The following NDUFAF2 variants were observed in gnomAD, a reference collection of about 807,000 sequenced individuals.
The protein encoded by NDUFAF2 is NADH:ubiquinone oxidoreductase complex assembly factor 2.
In NDUFAF2, 13 loss-of-function variants were observed where a neutral mutation model predicts 22.8. That is an observed-to-expected ratio of 0.57 (90% CI 0.37 to 0.91). The LOEUF (loss-of-function observed/expected upper bound fraction) is 0.91. Ranked by LOEUF, NDUFAF2 falls within the 40% of genes least tolerant of loss-of-function variation. The probability of loss-of-function intolerance (pLI) is 0.01; values close to 1 mark genes in which losing one functional copy is unlikely to be tolerated. For synonymous variants in NDUFAF2, 53 were observed against 64.2 expected (o/e 0.83, Z 0.84); for missense variants, 162 against 195.2 (o/e 0.83, Z 1.01).
intron 1 of NDUFAF2, among the ~76,000 whole-genome samples, chr5:60,985,004 G>A (rs969803550): frequency 6.6e-6 from 1 of 152,158 alleles, no homozygotes; most frequent in Non-Finnish European, 1.5e-5. Context: ...GTAGAATTCG[G>A]CTGTGAATTC....
chr5:60,946,492 CT>C (rs1053528866), intron 1 of NDUFAF2, among the ~76,000 whole-genome samples: 1 of 152,144 alleles, frequency 6.6e-6, no homozygotes, highest in African/African-American at 2.4e-5. Flanking sequence ...ATGAGCTCCT[CT>C]GTCAGGCAGG....
At chr5:61,086,631 G>C (rs1752508218) in intron 2 of NDUFAF2, among the ~76,000 whole-genome samples, 1 of 151,882 alleles carries the variant, frequency 6.6e-6, no homozygotes, top group African/African-American at 2.4e-5. Flanking sequence ...AATTTAACTT[G>C]GGATTTATCA....
intron 1 of NDUFAF2, among the ~76,000 whole-genome samples, chr5:61,007,756 G>T (rs1171531873): frequency 6.6e-6 from 1 of 152,138 alleles, no homozygotes; most frequent in Non-Finnish European, 1.5e-5. Context: ...ATTCCTCAAG[G>T]ATCTAGAACT....
intron 1 of NDUFAF2, among the ~76,000 whole-genome samples, chr5:61,008,337 C>A (rs938886587): frequency 3.3e-5 from 5 of 151,896 alleles, no homozygotes; most frequent in Admixed American, 1.3e-4. Flanking sequence ...TCTCTCAAAC[C>A]TTGATAATTG....
At chr5:61,089,712 A>C (rs1328265061) in intron 2 of NDUFAF2, among the ~76,000 whole-genome samples, 1 of 152,080 alleles carries the variant, frequency 6.6e-6, no homozygotes, top group Non-Finnish European at 1.5e-5. Context: ...ATGAAGCTAA[A>C]AGAAGTCCCC....
rs868405083 is a variant in NDUFAF2, at chr5:61,125,316, T to C, written c.258+26284T>C. Among the ~76,000 whole-genome samples, 17 of 152,222 alleles carry C rather than the reference T, an allele frequency of 1.1e-4. No individual in the cohort carries two copies. In the Middle Eastern group the frequency reaches 0.01, roughly 91 times the overall value. The stretch of plus-strand genomic sequence containing the variant: ...CCATCACTGAATATTGTCAGCTCTT[T>C]TCTTATGCACTGTATTTTTTTTTAT... On this transcript the variant is annotated intron_variant, in intron 3 of 3. Coordinates refer to ENST00000296597, the MANE Select transcript of NDUFAF2 (RefSeq NM_174889.5).
intron 1 of NDUFAF2, among the ~76,000 whole-genome samples, chr5:60,996,111 C>CTT (rs1177710372): frequency 6.6e-6 from 1 of 152,070 alleles, no homozygotes; most frequent in South Asian, 2.1e-4. Flanking sequence ...ACTGGGGACT[C>CTT]TAAGAACCTG....
intron 1 of NDUFAF2, chr5:61,050,355 T>C (rs1752010544): frequency 6.6e-6 from 1 of 152,130 alleles, no homozygotes; most frequent in South Asian, 2.1e-4. Flanking sequence ...GAAATGATGA[T>C]GAAATGTACA....
chr5:61,034,903 CAA>C (rs1751776548), intron 1 of NDUFAF2, among the ~76,000 whole-genome samples: 1 of 96,436 alleles, frequency 1.0e-5, no homozygotes, highest in African/African-American at 3.9e-5. Context: ...TTTAGGTAGG[CAA>C]ATATATATGT....
chr5:61,151,311 G>T (rs1179770336), intron 3 of NDUFAF2, among the ~76,000 whole-genome samples: 2 of 150,652 alleles, frequency 1.3e-5, no homozygotes, highest in African/African-American at 4.9e-5. Context: ...TGAAAGTTTT[G>T]AAATTTTAAA....
At chr5:61,076,699 G>A (rs1004167100) in intron 2 of NDUFAF2, among the ~76,000 whole-genome samples, 8 of 152,190 alleles carry the variant, frequency 5.3e-5, no homozygotes, top group African/African-American at 1.9e-4. Context: ...GTAGTCATAT[G>A]TTCTGAGGTA....
At chr5:61,097,108 A>T (rs577342180) in intron 2 of NDUFAF2, among the ~76,000 whole-genome samples, 1 of 152,308 alleles carries the variant, frequency 6.6e-6, no homozygotes, top group African/African-American at 2.4e-5. Flanking sequence ...GGGGGAAATG[A>T]CTGATCCCAA....
At chr5:60,957,932 G>C (rs1205189330) in intron 1 of NDUFAF2, among the ~76,000 whole-genome samples, 1 of 152,144 alleles carries the variant, frequency 6.6e-6, no homozygotes, top group Non-Finnish European at 1.5e-5. Context: ...TGATAACCAG[G>C]ACTCCCTGTA....
chr5:60,999,088 C>T (rs552403617), intron 1 of NDUFAF2, among the ~76,000 whole-genome samples: 1 of 151,862 alleles, frequency 6.6e-6, no homozygotes, highest in Non-Finnish European at 1.5e-5. Flanking sequence ...GACACATTAC[C>T]CCAGATGCAT....
intron 3 of NDUFAF2, among the ~76,000 whole-genome samples, chr5:61,146,689 CTTGGGGTTGT>C: frequency 6.6e-6 from 1 of 152,172 alleles, no homozygotes; most frequent in Admixed American, 6.5e-5. Flanking sequence ...GATTATCCTG[CTTGGGGTTGT>C]TGAGCTTCTT....
In NDUFAF2 at chr5:61,074,856, C is replaced by A. The variant is rs544011027; in HGVS notation, c.217+1642C>A. 3.9e-5 allele frequency among the ~76,000 whole-genome samples: 6 copies of A among 152,208 alleles called. No individual in the cohort carries two copies. The South Asian group carries it at 1.2e-3, about 32-fold the overall frequency. On this transcript the variant is annotated intron_variant, in intron 2 of 3. Coordinates refer to ENST00000296597, the MANE Select transcript of NDUFAF2 (RefSeq NM_174889.5). ...CACAGCTCCGCATAGCTGGGGAGGC[C>A]TCAGGAAATTTACAATCATGGCAGA... is the stretch of plus-strand genomic sequence containing the variant.
chr5:61,030,164 G>T (rs1438883891), intron 1 of NDUFAF2, among the ~76,000 whole-genome samples: 1 of 151,970 alleles, frequency 6.6e-6, no homozygotes, highest in Non-Finnish European at 1.5e-5. Flanking sequence ...TGAGTGTGAG[G>T]GTCTTTAGAA....
intron 1 of NDUFAF2, among the ~76,000 whole-genome samples, chr5:60,980,870 T>G (rs1421928250): frequency 6.6e-6 from 1 of 151,826 alleles, no homozygotes; most frequent in African/African-American, 2.4e-5. Context: ...GATGGGCTAT[T>G]TAAAAATATA....
At chr5:60,961,324 G>A (rs1483067795) in intron 1 of NDUFAF2, among the ~76,000 whole-genome samples, 3 of 151,958 alleles carry the variant, frequency 2.0e-5, no homozygotes, top group Non-Finnish European at 4.4e-5. Flanking sequence ...GGCCGGGCAC[G>A]GTGGCTCACG....
Sources: gnomAD v4.1 joint callset for allele counts (sites outside exome capture counted in the v4.1 genomes callset) on GRCh38, gnomAD v4.1.1 for gene constraint, MANE v1.5 for transcripts, NCBI Gene and HGNC (gene_info 2026-07-23, HGNC 2026-07-21) for gene names.